Variants in C17orf67 observed in about 807,000 individuals in gnomAD.
The protein encoded by C17orf67 is chromosome 17 open reading frame 67, also known as uncharacterized protein C17orf67.
A neutral mutation model predicts 11.2 loss-of-function variants in C17orf67; 12 were observed. The ratio of observed to expected loss-of-function variants is 1.07; its 90% CI spans 0.68 to 1.73. The LOEUF (loss-of-function observed/expected upper bound fraction) is 1.73, where lower values mean the gene tolerates loss of function less well. Ranked by LOEUF, C17orf67 falls within the 40% of genes most tolerant of loss-of-function variation. The pLI is 0.00. For synonymous variants in C17orf67, 59 were observed against 46.9 expected, an observed-to-expected ratio of 1.26 and a Z score of -1.05; for missense variants, 115 against 113.5, an observed-to-expected ratio of 1.01 and a Z score of -0.06.
At chr17:56,796,409 G>A (rs72837339) in intron 6 of C17orf67, among the ~76,000 whole-genome samples, 20,417 of 152,206 alleles carry the variant, frequency 0.13, 1,431 homozygotes, top group South Asian at 0.16. Flanking sequence ...GATGAACCTT[G>A]AGAACATTAT....
intron 2 of C17orf67, among the ~76,000 whole-genome samples, chr17:56,828,918 G>A (rs931806788): frequency 6.6e-6 from 1 of 151,196 alleles, no homozygotes; most frequent in Non-Finnish European, 1.5e-5. Context: ...GTATGAAAAA[G>A]TATTTAAACA....
At chr17:56,817,904 C>T (rs889425157) in intron 4 of C17orf67, among the ~76,000 whole-genome samples, 4 of 150,798 alleles carry the variant, frequency 2.7e-5, no homozygotes, top group Non-Finnish European at 5.9e-5. Flanking sequence ...GGCTGGAGTG[C>T]ACGAACTTGG....
At chr17:56,822,394 G>A (rs1176498644) in intron 4 of C17orf67, among the ~76,000 whole-genome samples, 1 of 152,176 alleles carries the variant, frequency 6.6e-6, no homozygotes, top group East Asian at 1.9e-4. Flanking sequence ...GGCCTTGAAT[G>A]CTGATTCTCA....
chr17:56,809,795 TCA>T (rs1905556685), intron 6 of C17orf67, among the ~76,000 whole-genome samples: 1 of 115,954 alleles, frequency 8.6e-6, no homozygotes. Context: ...CACAGACCCC[TCA>T]CACACCCCTT....
At position 56,795,112 on chromosome 17, in the gene C17orf67, G is replaced by A. The variant is rs778077774; in HGVS notation, c.225C>T (p.Asn75=). ...AEEQFLEHWL[N]PHCKPHCDRN... ...TGTCACAGTGGGGTTTGCAGTGAGG[G>A]TTCAGCCAGTGCTCCAGGAACTGCT... The change falls in exon 7 of 8, where the codon AAC becomes AAT. Residue 75 remains asparagine, a synonymous_variant. Coordinates refer to ENST00000397861, the MANE Select transcript of C17orf67 (RefSeq NM_001085430.4). 6.2e-7 allele frequency: 1 copy of A among 1,614,124 alleles called. No homozygotes were observed. The highest frequency in any genetic ancestry group is 1.3e-5 in the African/African-American group (1 of 75,048).
chr17:56,828,911 T>A (rs182378293), intron 2 of C17orf67, among the ~76,000 whole-genome samples: 95 of 150,564 alleles, frequency 6.3e-4, no homozygotes, highest in African/African-American at 2.3e-3. Flanking sequence ...TGTCGGTGTA[T>A]GAAAAAGTAT....
chr17:56,832,881 T>C lies in C17orf67; in HGVS notation c.-557+17A>G, dbSNP rs966164298. ...GCATATATATGCACACATAATAATA[T>C]ATACATACACACATACACGTATATA... On this transcript the variant is annotated intron_variant, in intron 2 of 7. Transcript: ENST00000397861. 6.6e-6 allele frequency: 1 copy of C among 152,242 alleles called. No individual in the cohort carries two copies. The highest frequency in any genetic ancestry group is 2.4e-5 in the African/African-American group (1 of 41,460). The allele number at this position is 152,242 out of a possible 1,614,324, so 9.4% of individuals were successfully genotyped here.
At chr17:56,826,179 C>A (rs759815568) in intron 2 of C17orf67, among the ~76,000 whole-genome samples, 55 of 152,212 alleles carry the variant, frequency 3.6e-4, no homozygotes, top group East Asian at 5.8e-4. Flanking sequence ...GTCTTCAACT[C>A]CTGGCCTCAA....
At chr17:56,815,090 C>T (rs1194055470) in intron 5 of C17orf67, 121 bp from the exon 6 acceptor site, 17 of 813,000 alleles carry the variant, frequency 2.1e-5, no homozygotes, top group South Asian at 1.4e-4. Context: ...AGTTCTTTCC[C>T]GGGGACCTGT....
At chr17:56,809,965 TCA>T (rs1175907858) in intron 6 of C17orf67, among the ~76,000 whole-genome samples, 1 of 114,042 alleles carries the variant, frequency 8.8e-6, no homozygotes, top group East Asian at 3.1e-4. Context: ...CTCACTCACC[TCA>T]CACACAATCC....
intron 5 of C17orf67, 73 bp from the exon 6 acceptor site, chr17:56,815,042 C>A (rs1905725647): frequency 1.5e-6 from 2 of 1,298,626 alleles, no homozygotes; most frequent in Admixed American, 1.7e-5. Context: ...CAGTCCAAGG[C>A]AAAAGATTTG....
chr17:56,826,300 ACTAAT>A (rs1359487165), intron 2 of C17orf67, among the ~76,000 whole-genome samples: 2 of 152,180 alleles, frequency 1.3e-5, no homozygotes, highest in African/African-American at 2.4e-5. Flanking sequence ...TCAAATCTAA[ACTAAT>A]TTAAGCGTTC....
intron 6 of C17orf67, among the ~76,000 whole-genome samples, chr17:56,813,933 T>C (rs1248077193): frequency 6.6e-6 from 1 of 152,134 alleles, no homozygotes; most frequent in Non-Finnish European, 1.5e-5. Flanking sequence ...CTTACCCAGT[T>C]AGTAAACAGG....
At chr17:56,831,378 G>A (rs1598004347) in intron 2 of C17orf67, among the ~76,000 whole-genome samples, 3 of 152,280 alleles carry the variant, frequency 2.0e-5, no homozygotes, top group South Asian at 2.1e-4. Context: ...GAGAGGGATG[G>A]CAAAGGACGG....
chr17:56,796,904 C>G (rs1451150223), intron 6 of C17orf67, among the ~76,000 whole-genome samples: 1 of 151,682 alleles, frequency 6.6e-6, no homozygotes, highest in Non-Finnish European at 1.5e-5. Flanking sequence ...CCTTCCTCCT[C>G]GAAGCCTTCA....
rs117823210 is a variant in C17orf67, at chr17:56,811,968, C to A, written c.156+2901G>T. On this transcript the variant is annotated intron_variant, in intron 6 of 7. Transcript: ENST00000397861. ...CAGGTTGGCATCACTGGGGCTTTGGCCCCATCCCCCATACCCAGGTCCCAC... is the reference window on the plus strand; with the variant it reads ...CAGGTTGGCATCACTGGGGCTTTGGACCCATCCCCCATACCCAGGTCCCAC... Among the ~76,000 whole-genome samples, 28 of 152,332 alleles carry A rather than the reference C, an allele frequency of 1.8e-4. No individual in the cohort carries two copies. The East Asian group carries it at 5.0e-3, about 27-fold the overall frequency.
chr17:56,832,255 A>C (rs980594059), intron 2 of C17orf67, among the ~76,000 whole-genome samples: 1 of 152,154 alleles, frequency 6.6e-6, no homozygotes, highest in African/African-American at 2.4e-5. Context: ...CTAAACACAT[A>C]GTTTTTAACT....
At chr17:56,828,631 A>G (rs1171156644) in intron 2 of C17orf67, among the ~76,000 whole-genome samples, 1 of 152,208 alleles carries the variant, frequency 6.6e-6, no homozygotes, top group Non-Finnish European at 1.5e-5. Flanking sequence ...TGTACCCACT[A>G]CCCAGGTTAA....
At chr17:56,811,338 T>G (rs1567796556) in intron 6 of C17orf67, among the ~76,000 whole-genome samples, 1 of 152,210 alleles carries the variant, frequency 6.6e-6, no homozygotes, top group Non-Finnish European at 1.5e-5. Context: ...GGAAATGCAC[T>G]GGGTGGAATA....
Sources: allele counts gnomAD v4.1 joint callset (sites outside exome capture counted in the v4.1 genomes callset), GRCh38; gene constraint gnomAD v4.1.1; transcripts MANE v1.5; gene names NCBI Gene and HGNC (gene_info 2026-07-23, HGNC 2026-07-21).